Variants in HS6ST3 observed in about 807,000 individuals in gnomAD.
HS6ST3 encodes heparan-sulfate 6-O-sulfotransferase 3.
In HS6ST3, 12 loss-of-function variants were observed where a neutral mutation model predicts 36.7. The observed-to-expected ratio is 0.33, with a 90% CI of 0.21 to 0.53. HS6ST3 has a LOEUF of 0.53. Ranked by LOEUF, HS6ST3 falls within the 20% of genes least tolerant of loss-of-function variation. The probability of loss-of-function intolerance (pLI) is 0.95; values close to 1 mark genes in which losing one functional copy is unlikely to be tolerated. For missense variants in HS6ST3, 584 were observed against 640.9 expected, an observed-to-expected ratio of 0.91 and a Z score of 0.96; for synonymous variants, 240 against 257.5, an observed-to-expected ratio of 0.93 and a Z score of 0.65.
At chr13:96,707,999 T>G (rs1875469561) in intron 1 of HS6ST3, among the ~76,000 whole-genome samples, 1 of 152,160 alleles carries the variant, frequency 6.6e-6, no homozygotes, top group South Asian at 2.1e-4. Flanking sequence ...CATCAGTCAG[T>G]AAGAGTTGCA....
chr13:96,627,724 T>C (rs1324140358), intron 1 of HS6ST3, among the ~76,000 whole-genome samples: 1 of 152,004 alleles, frequency 6.6e-6, no homozygotes, highest in Non-Finnish European at 1.5e-5. Flanking sequence ...TAGCCATTTA[T>C]GTTCTCTCAT....
chr13:96,239,498 G>A (rs1182988629), intron 1 of HS6ST3, among the ~76,000 whole-genome samples: 1 of 152,162 alleles, frequency 6.6e-6, no homozygotes, highest in Non-Finnish European at 1.5e-5. Flanking sequence ...AACAGTGTTG[G>A]TGAATACAAT....
chr13:96,490,696 C>T (rs1296050459), intron 1 of HS6ST3, among the ~76,000 whole-genome samples: 5 of 152,188 alleles, frequency 3.3e-5, no homozygotes, highest in African/African-American at 9.7e-5. Context: ...TCGCCTGTAT[C>T]ATCTGGCCTA....
At chr13:96,718,739 A>G (rs967578854) in intron 1 of HS6ST3, among the ~76,000 whole-genome samples, 4 of 152,214 alleles carry the variant, frequency 2.6e-5, no homozygotes, top group African/African-American at 9.6e-5. Context: ...CCCTCATTAA[A>G]ATGCGTTAAA....
intron 1 of HS6ST3, among the ~76,000 whole-genome samples, chr13:96,774,516 C>T (rs1057490081): frequency 2.6e-5 from 4 of 152,196 alleles, no homozygotes; most frequent in African/African-American, 7.2e-5. Context: ...AAACACAGCA[C>T]GAGAACTTCG....
intron 1 of HS6ST3, among the ~76,000 whole-genome samples, chr13:96,385,860 T>C (rs2055365290): frequency 6.6e-6 from 1 of 152,214 alleles, no homozygotes; most frequent in African/African-American, 2.4e-5. Flanking sequence ...ATCCATTTTA[T>C]AGAAGTTGAG....
intron 1 of HS6ST3, among the ~76,000 whole-genome samples, chr13:96,198,164 C>G (rs2054323335): frequency 6.6e-6 from 1 of 152,198 alleles, no homozygotes; most frequent in Admixed American, 6.5e-5. Flanking sequence ...ACATGTTAGT[C>G]CCTTTCAGCA....
intron 1 of HS6ST3, among the ~76,000 whole-genome samples, chr13:96,764,551 A>T (rs1487397312): frequency 6.6e-6 from 1 of 152,198 alleles, no homozygotes. Context: ...CATCGATTAG[A>T]TACAGAAGGT....
intron 1 of HS6ST3, among the ~76,000 whole-genome samples, chr13:96,426,017 G>A (rs1284368284): frequency 6.6e-6 from 1 of 151,194 alleles, no homozygotes; most frequent in Non-Finnish European, 1.5e-5. Context: ...AACCCCCAGA[G>A]AGATGAAGGA....
At chr13:96,669,300 T>C (rs763824038) in intron 1 of HS6ST3, among the ~76,000 whole-genome samples, 1 of 152,190 alleles carries the variant, frequency 6.6e-6, no homozygotes, top group Non-Finnish European at 1.5e-5. Flanking sequence ...GGCACTGTAG[T>C]GCACTGTGCA....
chr13:96,297,143 T>C (rs1156756003), intron 1 of HS6ST3, among the ~76,000 whole-genome samples: 1 of 152,112 alleles, frequency 6.6e-6, no homozygotes, highest in Non-Finnish European at 1.5e-5. Flanking sequence ...AAACTAACTG[T>C]TTTTTACTGT....
intron 1 of HS6ST3, among the ~76,000 whole-genome samples, chr13:96,484,405 A>G (rs537809014): frequency 5.9e-5 from 9 of 152,124 alleles, no homozygotes; most frequent in Non-Finnish European, 8.8e-5. Context: ...CAAGTATATA[A>G]TGCAGTATTG....
intron 1 of HS6ST3, among the ~76,000 whole-genome samples, chr13:96,433,507 TCTC>T (rs1382109071): frequency 3.9e-5 from 6 of 152,168 alleles, no homozygotes; most frequent in Non-Finnish European, 8.8e-5. Flanking sequence ...AAATGAGAGT[TCTC>T]CTGCACTAAA....
chr13:96,238,579 T>G (rs569986870), intron 1 of HS6ST3, among the ~76,000 whole-genome samples: 1 of 152,204 alleles, frequency 6.6e-6, no homozygotes, highest in African/African-American at 2.4e-5. Flanking sequence ...TAAAATGAAT[T>G]CTTTCTTCGT....
intron 1 of HS6ST3, among the ~76,000 whole-genome samples, chr13:96,560,461 A>C (rs2056257751): frequency 6.6e-6 from 1 of 152,142 alleles, no homozygotes; most frequent in Admixed American, 6.6e-5. Flanking sequence ...TGAGAACTGG[A>C]ACATTACAAG....
At chr13:96,190,336 A>G (rs550888193) in intron 1 of HS6ST3, among the ~76,000 whole-genome samples, 1 of 152,096 alleles carries the variant, frequency 6.6e-6, no homozygotes, top group Admixed American at 6.6e-5. Flanking sequence ...TGGTGACTGA[A>G]CCCATTCTCG....
intron 1 of HS6ST3, among the ~76,000 whole-genome samples, chr13:96,700,219 C>T (rs780021983): frequency 1.6e-4 from 24 of 152,202 alleles, no homozygotes; most frequent in African/African-American, 4.3e-4. Context: ...ACAATCATGG[C>T]GGAAGGCAAA....
intron 1 of HS6ST3, among the ~76,000 whole-genome samples, chr13:96,264,413 A>G (rs2054681435): frequency 1.3e-5 from 2 of 152,194 alleles, no homozygotes; most frequent in Non-Finnish European, 2.9e-5. Flanking sequence ...CCCTTGCTGC[A>G]GAAAACCCTG....
At chr13:96,687,557 C>T (rs949125510) in intron 1 of HS6ST3, among the ~76,000 whole-genome samples, 1 of 151,646 alleles carries the variant, frequency 6.6e-6, no homozygotes, top group African/African-American at 2.4e-5. Context: ...TTCCAACTCA[C>T]ATATAAGCAG....
Sources: gnomAD v4.1 joint callset for allele counts (sites outside exome capture counted in the v4.1 genomes callset) on GRCh38, gnomAD v4.1.1 for gene constraint, MANE v1.5 for transcripts, NCBI Gene and HGNC (gene_info 2026-07-23, HGNC 2026-07-21) for gene names.